The following KCNH8 variants were observed in gnomAD, a reference collection of about 807,000 sequenced individuals.
The protein encoded by KCNH8 is potassium voltage-gated channel subfamily H member 8.
In KCNH8, 70 loss-of-function variants were observed where a neutral mutation model predicts 103.6. The observed-to-expected ratio is 0.68, with a 90% CI of 0.56 to 0.82. The LOEUF (loss-of-function observed/expected upper bound fraction) is 0.82. Among genes scored for constraint, KCNH8 ranks in the 40% least tolerant of loss-of-function variants. The pLI is 0.00. For missense variants in KCNH8, 1,217 were observed against 1,329.9 expected (o/e 0.92, Z 1.32); for synonymous variants, 498 against 489.4 (o/e 1.02, Z -0.23).
At chr3:19,402,461 G>A (rs995308180) in intron 7 of KCNH8, among the ~76,000 whole-genome samples, 3 of 151,772 alleles carry the variant, frequency 2.0e-5, no homozygotes, top group Non-Finnish European at 2.9e-5. Flanking sequence ...ACTGGTGAGC[G>A]TAAATAAGAG....
chr3:19,191,714 C>G (rs1014608772), intron 1 of KCNH8, among the ~76,000 whole-genome samples: 2 of 151,720 alleles, frequency 1.3e-5, no homozygotes, highest in Admixed American at 6.6e-5. Flanking sequence ...CAACCCTAGT[C>G]CACTGCATTC....
At chr3:19,454,869 C>CG (rs2067506798) in intron 10 of KCNH8, among the ~76,000 whole-genome samples, 1 of 152,076 alleles carries the variant, frequency 6.6e-6, no homozygotes, top group Non-Finnish European at 1.5e-5. Flanking sequence ...GGACTAAACT[C>CG]AACAAAGACA....
At chr3:19,321,071 C>T (rs1282363959) in intron 3 of KCNH8, among the ~76,000 whole-genome samples, 2 of 151,834 alleles carry the variant, frequency 1.3e-5, no homozygotes, top group African/African-American at 2.4e-5. Context: ...TGGATCTTCT[C>T]TCTTCTTTTT....
rs147354643 is a variant in KCNH8, at chr3:19,500,812, C to T, written c.2041-9551C>T. Reference sequence around the variant, plus strand: ...AGAGGGAAATTTATAGCACTAAATGCCCACAAGAGAAAGCAGGAAAGATCC... The same window carrying T: ...AGAGGGAAATTTATAGCACTAAATGTCCACAAGAGAAAGCAGGAAAGATCC... On this transcript the variant is annotated intron_variant, in intron 11 of 15. Transcript: ENST00000328405. Among the ~76,000 whole-genome samples, 1,129 of 151,966 alleles carry T rather than the reference C, an allele frequency of 7.4e-3. 18 individuals are homozygous for T. Among genetic ancestry groups the T allele is most frequent in the African/African-American group, 0.026 (1,079 of 41,454 alleles).
intron 1 of KCNH8, among the ~76,000 whole-genome samples, chr3:19,251,187 C>T (rs183456535): frequency 9.2e-5 from 14 of 152,162 alleles, no homozygotes; most frequent in Admixed American, 3.9e-4. Flanking sequence ...TATGACTATG[C>T]GATCGTTAAG....
intron 11 of KCNH8, among the ~76,000 whole-genome samples, chr3:19,499,322 C>A (rs956659086): frequency 6.6e-6 from 1 of 152,132 alleles, no homozygotes; most frequent in Non-Finnish European, 1.5e-5. Context: ...GATTGATGTA[C>A]CTGAAAGTCA....
chr3:19,183,638 A>G (rs2063476869), intron 1 of KCNH8, among the ~76,000 whole-genome samples: 1 of 152,244 alleles, frequency 6.6e-6, no homozygotes, highest in Non-Finnish European at 1.5e-5. Flanking sequence ...TTGTAAAAGC[A>G]TTTAACAACC....
At chr3:19,496,458 T>C (rs1473599071) in intron 11 of KCNH8, among the ~76,000 whole-genome samples, 2 of 147,856 alleles carry the variant, frequency 1.4e-5, no homozygotes, top group African/African-American at 2.7e-5. Flanking sequence ...TAATCATGGG[T>C]TTTTTATTTC....
intron 11 of KCNH8, among the ~76,000 whole-genome samples, chr3:19,470,534 G>C (rs1244004705): frequency 1.3e-5 from 2 of 152,154 alleles, no homozygotes; most frequent in Non-Finnish European, 2.9e-5. Context: ...ACTCTGAGTG[G>C]TTCAGATTTA....
At chr3:19,429,061 AT>A (rs2067074691) in intron 7 of KCNH8, among the ~76,000 whole-genome samples, 1 of 151,718 alleles carries the variant, frequency 6.6e-6, no homozygotes, top group Admixed American at 6.6e-5. Flanking sequence ...TTATTTTGGA[AT>A]GTTCAGGCAA....
chr3:19,515,946 G>A (rs898287120), intron 14 of KCNH8, among the ~76,000 whole-genome samples: 1 of 151,960 alleles, frequency 6.6e-6, no homozygotes, highest in Non-Finnish European at 1.5e-5. Context: ...TAATGTGAAG[G>A]TACCTCCAAC....
In KCNH8 at chr3:19,354,661, G is replaced by C. The variant is rs2065853714; in HGVS notation, c.811+6696G>C. ...TTCCCTATTTAATAAATGGTGCTGAGAAAACTGGCTAGCAATATGTAGAAA... is the reference window on the plus strand; with the variant it reads ...TTCCCTATTTAATAAATGGTGCTGACAAAACTGGCTAGCAATATGTAGAAA... On this transcript the variant is annotated intron_variant, in intron 5 of 15. Coordinates refer to ENST00000328405, the MANE Select transcript of KCNH8 (RefSeq NM_144633.3). Among the ~76,000 whole-genome samples the C allele has an allele frequency of 2.6e-5, 4 of 152,160 alleles. No homozygotes were observed. The South Asian group carries it at 8.3e-4, about 31-fold the overall frequency.
chr3:19,318,663 A>G (rs201359248), intron 3 of KCNH8, among the ~76,000 whole-genome samples: 2,881 of 21,330 alleles, frequency 0.14, 44 homozygotes, highest in African/African-American at 0.34. Flanking sequence ...GTGTGTGTGT[A>G]CACACACACA....
rs768813300 is a variant in KCNH8, at chr3:19,450,986, A to G, written c.1576-169A>G. 4.1e-4 allele frequency: 269 copies of G among 653,646 alleles called. 2 individuals carry two copies. The highest frequency in any genetic ancestry group is 2.0e-4 in the Non-Finnish European group (75 of 370,248). The allele number at this position is 653,646 out of a possible 1,614,324, so 40.5% of individuals were successfully genotyped here. A position where few individuals can be genotyped will look rare whatever the true frequency, so the allele number is the denominator to read the frequency against. The stretch of plus-strand genomic sequence containing the variant: ...GATTATTCAGTAGCACATAATTCAC[A>G]GTCACTGAAAAATCTCTCCAGGATT... On this transcript the variant is annotated intron_variant, in intron 9 of 15. Coordinates refer to ENST00000328405, the MANE Select transcript of KCNH8 (RefSeq NM_144633.3).
At chr3:19,507,800 C>G (rs569160360) in intron 11 of KCNH8, among the ~76,000 whole-genome samples, 8 of 152,292 alleles carry the variant, frequency 5.3e-5, no homozygotes, top group Non-Finnish European at 8.8e-5. Context: ...TTCTGGAAGC[C>G]TGAAGGCAAC....
intron 7 of KCNH8, among the ~76,000 whole-genome samples, chr3:19,414,553 A>G (rs1424152762): frequency 6.6e-6 from 1 of 152,054 alleles, no homozygotes; most frequent in African/African-American, 2.4e-5. Flanking sequence ...TACATATTAC[A>G]TGATTCTTAT....
At chr3:19,468,115 A>G (rs1441555354) in intron 11 of KCNH8, among the ~76,000 whole-genome samples, 1 of 152,260 alleles carries the variant, frequency 6.6e-6, no homozygotes, top group East Asian at 1.9e-4. Flanking sequence ...TTTTCATGGC[A>G]TTTAGCAGGA....
At chr3:19,487,105 C>G (rs1199458077) in intron 11 of KCNH8, among the ~76,000 whole-genome samples, 1 of 152,164 alleles carries the variant, frequency 6.6e-6, no homozygotes, top group Non-Finnish European at 1.5e-5. Context: ...GGTCTTGAGC[C>G]AGGGCCTCCC....
chr3:19,214,162 G>C (rs768630669), intron 1 of KCNH8, among the ~76,000 whole-genome samples: 1 of 152,206 alleles, frequency 6.6e-6, no homozygotes, highest in Non-Finnish European at 1.5e-5. Flanking sequence ...TCTCTACGAC[G>C]TTGGGAGCTG....
Sources: allele counts gnomAD v4.1 joint callset (sites outside exome capture counted in the v4.1 genomes callset), GRCh38; gene constraint gnomAD v4.1.1; transcripts MANE v1.5; gene names NCBI Gene and HGNC (gene_info 2026-07-23, HGNC 2026-07-21).